FBLN1: variants seen among roughly 807,000 people sequenced by gnomAD.
FBLN1 encodes fibulin 1, also known as fibulin-1.
FBLN1 carries 34 observed loss-of-function variants against 89.7 expected under a neutral mutation model. That is an observed-to-expected ratio of 0.38 (90% CI 0.29 to 0.50). FBLN1 has a LOEUF of 0.50. Ranked by LOEUF, FBLN1 falls within the 20% of genes least tolerant of loss-of-function variation. The pLI, the probability that FBLN1 is intolerant of heterozygous loss-of-function variation, is 0.92. For synonymous variants in FBLN1, 393 were observed against 391.3 expected, an observed-to-expected ratio of 1.00 and a Z score of -0.05; for missense variants, 777 against 988.1, an observed-to-expected ratio of 0.79 and a Z score of 2.86.
At chr22:45,571,771 G>C (rs1480055150) in intron 14 of FBLN1, among the ~76,000 whole-genome samples, 1 of 152,142 alleles carries the variant, frequency 6.6e-6, no homozygotes, top group Admixed American at 6.5e-5. Flanking sequence ...TAGAAACAAT[G>C]ACCAACCCCC....
rs746473087 is a variant in FBLN1 at position 45,583,430 on chromosome 22, C to T, written c.1972+6322C>T. On this transcript the variant is annotated intron_variant, in intron 16 of 16. Coordinates refer to ENST00000327858, the MANE Select transcript of FBLN1 (RefSeq NM_006486.3). The surrounding 1 kb of genome is among the most constrained non-coding windows in gnomAD (Gnocchi z 4.5). The stretch of plus-strand genomic sequence containing the variant: ...ACCTATATTACATTTAGGAAGGAAA[C>T]GCCCTAATTGGAGACTCTGCATCTC... Among the ~76,000 whole-genome samples the T allele has an allele frequency of 1.3e-5, 2 of 152,174 alleles. No individual in the cohort carries two copies. Among genetic ancestry groups the T allele is most frequent in the African/African-American group, 4.8e-5 (2 of 41,440 alleles).
At chr22:45,540,367 T>C (rs528648379) in intron 8 of FBLN1, among the ~76,000 whole-genome samples, 93 of 152,256 alleles carry the variant, frequency 6.1e-4, no homozygotes, top group African/African-American at 2.2e-3. Context: ...AAACTGTAAA[T>C]TGCTGCACGG....
chr22:45,585,959 C>T (rs1034044308), intron 16 of FBLN1, among the ~76,000 whole-genome samples: 1 of 152,202 alleles, frequency 6.6e-6, no homozygotes, highest in Non-Finnish European at 1.5e-5. Context: ...AAGTCACCCC[C>T]GTCACAAAGC....
intron 14 of FBLN1, among the ~76,000 whole-genome samples, chr22:45,555,012 A>G (rs1602205352): frequency 6.6e-6 from 1 of 151,028 alleles, no homozygotes; most frequent in South Asian, 2.1e-4. Context: ...GGAAGTTAGG[A>G]CCCGTCCCCG....
intron 4 of FBLN1, among the ~76,000 whole-genome samples, chr22:45,529,124 G>T (rs2238814): frequency 2.6e-5 from 4 of 152,126 alleles, no homozygotes; most frequent in African/African-American, 9.7e-5. Context: ...TCTTGGGTGA[G>T]GGTCTGATGC....
At chr22:45,511,645 C>A (rs2088102491) in intron 1 of FBLN1, among the ~76,000 whole-genome samples, 1 of 152,014 alleles carries the variant, frequency 6.6e-6, no homozygotes, top group Non-Finnish European at 1.5e-5. Context: ...CTGGGTTTTA[C>A]CATGTTGGCC....
chr22:45,544,249 G>A (rs911452853), intron 11 of FBLN1, among the ~76,000 whole-genome samples: 14 of 152,208 alleles, frequency 9.2e-5, no homozygotes, highest in Admixed American at 7.2e-4. Flanking sequence ...ACCATGCCCA[G>A]CTAATTTTTG....
rs764699708 is a variant in FBLN1, at chr22:45,580,908, G to A, written c.1972+3800G>A. ...TCGAGGAGCCCGCAGCAGGGCCCGC[G>A]CCGTCGTCTTTGTAAAGCCCCCTTG... On this transcript the variant is annotated intron_variant, in intron 16 of 16. Coordinates refer to ENST00000327858, the MANE Select transcript of FBLN1 (RefSeq NM_006486.3). The surrounding 1 kb of genome is among the most constrained non-coding windows in gnomAD (Gnocchi z 8.6). Among the ~76,000 whole-genome samples the A allele has an allele frequency of 1.3e-5, 2 of 152,228 alleles. No individual in the cohort carries two copies. Among genetic ancestry groups the A allele is most frequent in the Non-Finnish European group, 2.9e-5 (2 of 68,034 alleles).
At chr22:45,595,365 A>G (rs134826) in intron 16 of FBLN1, among the ~76,000 whole-genome samples, 152,154 of 152,288 alleles carry the variant, frequency 1, 76,011 homozygotes, top group Middle Eastern at 1. Context: ...TCTGTTGTTC[A>G]ACCCTCGCAG....
At chr22:45,587,334 A>ACGTCCTC (rs1416154419) in intron 16 of FBLN1, among the ~76,000 whole-genome samples, 1 of 77,846 alleles carries the variant, frequency 1.3e-5, no homozygotes, top group Non-Finnish European at 2.4e-5. Context: ...GGCCAGAGAC[A>ACGTCCTC]CGTCCTCAGC....
At chr22:45,553,067 G>T (rs2088726449) in intron 14 of FBLN1, among the ~76,000 whole-genome samples, 1 of 152,204 alleles carries the variant, frequency 6.6e-6, no homozygotes, top group Non-Finnish European at 1.5e-5. Flanking sequence ...TAGAGCCGTC[G>T]ATGGCCCCCC....
In FBLN1 at chr22:45,581,304, A is replaced by G. The variant is rs1024954094; in HGVS notation, c.1972+4196A>G. ...GCCTCCAGATCACCACTTCCTTTTA[A>G]CTCTCAGGCCAGCCACATCTGTGTC... On this transcript the variant is annotated intron_variant, in intron 16 of 16. Coordinates refer to ENST00000327858, the MANE Select transcript of FBLN1 (RefSeq NM_006486.3). The surrounding 1 kb of genome is among the most constrained non-coding windows in gnomAD (Gnocchi z 7.6). 2.0e-5 allele frequency among the ~76,000 whole-genome samples: 3 copies of G among 150,884 alleles called. No homozygotes were observed. Among genetic ancestry groups the G allele is most frequent in the Non-Finnish European group, 3.0e-5 (2 of 67,698 alleles).
At chr22:45,505,374 C>A (rs955408172) in intron 1 of FBLN1, among the ~76,000 whole-genome samples, 1 of 151,386 alleles carries the variant, frequency 6.6e-6, no homozygotes, top group Non-Finnish European at 1.5e-5. Flanking sequence ...TGGAAGTTTC[C>A]CAGTCAGGAG....
chr22:45,547,386 G>GTTTTCT (rs2088644635), intron 12 of FBLN1, among the ~76,000 whole-genome samples, 182 bp downstream of exon 12: 1 of 53,676 alleles, frequency 1.9e-5, no homozygotes, highest in African/African-American at 6.4e-5. Context: ...TCCAACTGAG[G>GTTTTCT]TTTTTTTTTT....
intron 12 of FBLN1, 101 bp downstream of exon 12, chr22:45,547,305 C>T: frequency 1.4e-6 from 2 of 1,477,010 alleles, no homozygotes; most frequent in Non-Finnish European, 9.2e-7. Context: ...GAAGAGCCTG[C>T]TGGGATTTCT....
intron 2 of FBLN1, among the ~76,000 whole-genome samples, chr22:45,519,102 G>A (rs2088212401): frequency 6.9e-6 from 1 of 143,906 alleles, no homozygotes; most frequent in Admixed American, 6.8e-5. Flanking sequence ...AGGGGGGACA[G>A]TTGTGGGGGA....
rs899457948 is a variant in FBLN1, at chr22:45,550,994, A to G, written c.1697+379A>G. ...GCTCTGACTGAGATGCATAGGTAGCAATGTCTCCATGTCAGCCCAAAGCCA... is the reference window on the plus strand; with the variant it reads ...GCTCTGACTGAGATGCATAGGTAGCGATGTCTCCATGTCAGCCCAAAGCCA... On this transcript the variant is annotated intron_variant, in intron 14 of 16. Coordinates refer to ENST00000327858, the MANE Select transcript of FBLN1 (RefSeq NM_006486.3). This position sits in a 1 kb window ranked among gnomAD's most constrained non-coding sequence, Gnocchi z 8.4. The G allele has an allele frequency of 2.9e-6, 1 of 348,216 alleles. No homozygotes were observed. The highest frequency in any genetic ancestry group is 3.9e-5 in the Admixed American group (1 of 25,666). 21.6% of individuals were successfully genotyped at this position (348,216 alleles called of 1,614,324 possible).
Position 45,563,660 on chromosome 22 carries a change from G to A in FBLN1, c.1698-10851G>A, listed in dbSNP as rs743931. 0.74 allele frequency among the ~76,000 whole-genome samples: 112,686 copies of A among 152,112 alleles called. 41,923 individuals carry two copies. The highest frequency in any genetic ancestry group is 0.82 in the African/African-American group (34,105 of 41,510). On this transcript the variant is annotated intron_variant, in intron 14 of 16. Coordinates refer to ENST00000327858, the MANE Select transcript of FBLN1 (RefSeq NM_006486.3). The surrounding 1 kb of genome is among the most constrained non-coding windows in gnomAD (Gnocchi z 5.7). Reference sequence around the variant, plus strand: ...AGATTGCTGAGCACAGTCCCCTCTCGTTTTACAGATGTGGAAACTGAGGCC... The same window carrying A: ...AGATTGCTGAGCACAGTCCCCTCTCATTTTACAGATGTGGAAACTGAGGCC...
chr22:45,548,866 T>G, intron 13 of FBLN1, 122 bp downstream of exon 13: 1 of 1,480,392 alleles, frequency 6.8e-7, no homozygotes, highest in Non-Finnish European at 9.1e-7. Context: ...ACAGATGGAA[T>G]GCATTCAGGA....
Sources: gnomAD v4.1 joint callset for allele counts (sites outside exome capture counted in the v4.1 genomes callset) on GRCh38, gnomAD v4.1.1 for gene constraint, Gnocchi (gnomAD v3.1) non-coding constraint, MANE v1.5 for transcripts, NCBI Gene and HGNC (gene_info 2026-07-23, HGNC 2026-07-21) for gene names.